DGKZ: variants seen among roughly 807,000 people sequenced by gnomAD.
The protein encoded by DGKZ is diacylglycerol kinase zeta.
A neutral mutation model predicts 142.5 loss-of-function variants in DGKZ; 45 were observed. The ratio of observed to expected loss-of-function variants is 0.32; its 90% CI spans 0.25 to 0.40. The LOEUF (loss-of-function observed/expected upper bound fraction) is 0.40. Ranked by LOEUF, DGKZ falls within the 10% of genes least tolerant of loss-of-function variation. The pLI is 1.00. For synonymous variants in DGKZ, 442 were observed against 527.0 expected (o/e 0.84, Z 2.21); for missense variants, 755 against 1,306.5 (o/e 0.58, Z 6.51).
intron 4 of DGKZ, chr11:46,368,418 C>T (rs1289238119): frequency 5.3e-6 from 2 of 374,308 alleles, no homozygotes; most frequent in Non-Finnish European, 5.2e-6. Flanking sequence ...CTTCATAACT[C>T]AGCTGTGGCT....
intron 1 of DGKZ, among the ~76,000 whole-genome samples, chr11:46,334,618 A>C (rs1939921832): frequency 6.6e-6 from 1 of 152,164 alleles, no homozygotes. Context: ...CCAAGAAGCA[A>C]GATGCTCAGA....
intron 1 of DGKZ, among the ~76,000 whole-genome samples, chr11:46,360,108 C>T (rs1421695336): frequency 6.6e-6 from 1 of 152,120 alleles, no homozygotes; most frequent in Non-Finnish European, 1.5e-5. Context: ...CATGTCACAA[C>T]AGATTGAATG....
intron 1 of DGKZ, among the ~76,000 whole-genome samples, chr11:46,357,643 G>A (rs1942187309): frequency 1.3e-5 from 2 of 152,244 alleles, no homozygotes; most frequent in Non-Finnish European, 2.9e-5. Context: ...CACCATGCCG[G>A]GCATGCCCAG....
chr11:46,371,789 T>C lies in DGKZ; in HGVS notation c.831+14T>C, dbSNP rs200063480. ...AAAGGGCCTGAGGTCAGCCCCAGGC[T>C]GGGCAGAGGCTGCAGGGGAGCAGGA... is the stretch of plus-strand genomic sequence containing the variant. On this transcript the variant is annotated intron_variant, in intron 9 of 30. Transcript: ENST00000527911. 284 of 1,611,562 alleles carry C rather than the reference T, an allele frequency of 1.8e-4. 1 individual carries two copies. The African/African-American group carries it at 3.6e-3, about 20-fold the overall frequency.
rs1943436334 is a variant in DGKZ, at chr11:46,367,416, C to T, written c.270+17C>T. On this transcript the variant is annotated intron_variant, in intron 2 of 30. Transcript: ENST00000527911. The surrounding 1 kb of genome is among the most constrained non-coding windows in gnomAD (Gnocchi z 4.1). Reference sequence around the variant, plus strand: ...GACTGGAGCGTGAGTGCCTGAACACCCCTGGGTCCCAGACCCTCTGGGCTC... The same window carrying T: ...GACTGGAGCGTGAGTGCCTGAACACTCCTGGGTCCCAGACCCTCTGGGCTC... 1.2e-6 allele frequency: 2 copies of T among 1,610,776 alleles called. No individual in the cohort carries two copies. The highest frequency in any genetic ancestry group is 1.3e-5 in the African/African-American group (1 of 75,002).
chr11:46,379,495 C>T lies in DGKZ; in HGVS notation c.2615C>T (p.Ala872Val), dbSNP rs761753377. ...GGGGAGACCTGTTTGCACCAAGCAG[C>T]GGCCCTGGGCCAGCGCACCATCTGC... The change falls in exon 30 of 31, where the codon GCG becomes GTG. Residue 872 changes from alanine (A) to valine (V), a missense_variant. Around this residue, in one of 8 missense-constraint regions of DGKZ, gnomAD observed 100 missense variants for 87.7 expected, o/e 1.14. Coordinates refer to ENST00000527911, the Ensembl canonical transcript of DGKZ. The T allele has an allele frequency of 3.5e-5, 57 of 1,610,706 alleles. No individual in the cohort carries two copies. Among genetic ancestry groups the T allele is most frequent in the Middle Eastern group, 1.6e-4 (1 of 6,078 alleles).
chr11:46,354,347 G>T (rs539778154), intron 1 of DGKZ, among the ~76,000 whole-genome samples: 1 of 152,044 alleles, frequency 6.6e-6, no homozygotes, highest in South Asian at 2.1e-4. Context: ...CCCCCATACC[G>T]GGCTCATTTT....
At chr11:46,368,144 C>G in intron 4 of DGKZ, 65 bp downstream of exon 4, 4 of 1,523,996 alleles carry the variant, frequency 2.6e-6, no homozygotes, top group African/African-American at 1.4e-5. Flanking sequence ...TCAGCGCGCA[C>G]TCACACCCAC....
chr11:46,377,277 C>G (rs564908312), intron 25 of DGKZ, 65 bp downstream of exon 25: 2 of 1,510,464 alleles, frequency 1.3e-6, no homozygotes, highest in East Asian at 2.4e-5. Flanking sequence ...CCGATGACTT[C>G]TGAATCCCTG....
intron 1 of DGKZ, among the ~76,000 whole-genome samples, chr11:46,354,179 G>A (rs1941734345): frequency 6.6e-6 from 1 of 152,120 alleles, no homozygotes; most frequent in African/African-American, 2.4e-5. Context: ...CTAGGGGGCT[G>A]GTCTCCCTCA....
At chr11:46,354,841 T>G (rs539791627) in intron 1 of DGKZ, among the ~76,000 whole-genome samples, 24 of 152,376 alleles carry the variant, frequency 1.6e-4, no homozygotes, top group African/African-American at 5.5e-4. Context: ...CAATATTGTT[T>G]TGGAGATTTA....
At position 46,357,162 on chromosome 11, in the gene DGKZ, C is replaced by T. The variant is rs561143148; in HGVS notation, c.161+9342C>T. Among the ~76,000 whole-genome samples the T allele has an allele frequency of 2.6e-5, 4 of 152,090 alleles. No homozygotes were observed. The East Asian group carries it at 5.8e-4, about 22-fold the overall frequency. ...CCTAGCAGGGGCTGAGTCAGGGACT[C>T]GGATGTGAAAGAAGAGACTGGGGGT... On this transcript the variant is annotated intron_variant, in intron 1 of 30. Coordinates refer to ENST00000527911, the Ensembl canonical transcript of DGKZ.
chr11:46,363,991 T>A (rs1438311326), intron 1 of DGKZ, among the ~76,000 whole-genome samples: 3 of 152,226 alleles, frequency 2.0e-5, no homozygotes, highest in African/African-American at 7.2e-5. Context: ...AGAATGGAGC[T>A]GCAGGTCCTG....
At chr11:46,362,499 A>G (rs964780592) in intron 1 of DGKZ, among the ~76,000 whole-genome samples, 3 of 152,212 alleles carry the variant, frequency 2.0e-5, no homozygotes, top group African/African-American at 2.4e-5. Context: ...TCTGGTGTCT[A>G]TGGTGGGTGT....
At chr11:46,337,586 G>A (rs374589489) in intron 1 of DGKZ, among the ~76,000 whole-genome samples, 26 of 152,040 alleles carry the variant, frequency 1.7e-4, no homozygotes, top group African/African-American at 5.5e-4. Flanking sequence ...ATAAGCCACC[G>A]CGCCCAGCCT....
chr11:46,363,518 C>CT (rs1302007426), intron 1 of DGKZ, among the ~76,000 whole-genome samples: 3 of 152,204 alleles, frequency 2.0e-5, no homozygotes, highest in East Asian at 1.9e-4. Context: ...CCTGGGCTGC[C>CT]TGGCAGTGTG....
At chr11:46,339,560 G>GA (rs1206877416) in intron 1 of DGKZ, among the ~76,000 whole-genome samples, 4 of 152,238 alleles carry the variant, frequency 2.6e-5, no homozygotes, top group African/African-American at 4.8e-5. Flanking sequence ...CAGGGATCGG[G>GA]ATCCCAGGAG....
intron 1 of DGKZ, among the ~76,000 whole-genome samples, chr11:46,336,142 A>G (rs981899449): frequency 2.0e-5 from 3 of 152,174 alleles, no homozygotes; most frequent in African/African-American, 7.2e-5. Context: ...GCTGCTTCTG[A>G]CGTAAGTGAG....
upstream of DGKZ, chr11:46,347,305 CG>C (rs1940737030): frequency 2.0e-6 from 2 of 984,864 alleles, no homozygotes; most frequent in Admixed American, 6.2e-5. This position sits in a 1 kb window ranked among gnomAD's most constrained non-coding sequence, Gnocchi z 6.4. Context: ...GCCCATTCGT[CG>C]CCCCGCCCCT....
Sources: gnomAD v4.1 joint callset for allele counts (sites outside exome capture counted in the v4.1 genomes callset) on GRCh38, gnomAD v4.1.1 for gene constraint, gnomAD v4.1.1 regional missense constraint, Gnocchi (gnomAD v3.1) non-coding constraint, MANE v1.5 for transcripts, NCBI Gene and HGNC (gene_info 2026-07-23, HGNC 2026-07-21) for gene names.